Variants in CHODL observed in about 807,000 individuals in gnomAD.
CHODL encodes the protein transmembrane protein MT75.
A neutral mutation model predicts 34.5 loss-of-function variants in CHODL; 29 were observed. That is an observed-to-expected ratio of 0.84 (90% CI 0.63 to 1.15). The LOEUF (loss-of-function observed/expected upper bound fraction) is 1.15, where lower values mean the gene tolerates loss of function less well. Among genes scored for constraint, CHODL ranks in the 50% most tolerant of loss-of-function variants. CHODL has a pLI of 0.00. For missense variants in CHODL, 332 were observed against 332.5 expected, an observed-to-expected ratio of 1.00 and a Z score of 0.01; for synonymous variants, 125 against 116.1, an observed-to-expected ratio of 1.08 and a Z score of -0.49.
intron 1 of CHODL, among the ~76,000 whole-genome samples, chr21:17,986,099 A>G (rs1317076248): frequency 6.6e-6 from 1 of 152,142 alleles, no homozygotes; most frequent in Non-Finnish European, 1.5e-5. Flanking sequence ...TATTTAGATC[A>G]TAATGAGTAT....
chr21:18,200,172 G>A (rs936550011), intron 2 of CHODL, among the ~76,000 whole-genome samples: 15 of 151,774 alleles, frequency 9.9e-5, no homozygotes, highest in African/African-American at 3.6e-4. Context: ...GTGTTGATTT[G>A]GGTATTTTTA....
At chr21:18,176,549 T>C (rs1406067682) in intron 2 of CHODL, among the ~76,000 whole-genome samples, 1 of 152,224 alleles carries the variant, frequency 6.6e-6, no homozygotes, top group African/African-American at 2.4e-5. Flanking sequence ...CAAATACAAT[T>C]AATTCCTTCA....
At chr21:18,263,901 C>T (rs546408638) in intron 5 of CHODL, among the ~76,000 whole-genome samples, 4 of 141,366 alleles carry the variant, frequency 2.8e-5, no homozygotes, top group South Asian at 4.5e-4. Flanking sequence ...CATTAATAAC[C>T]TTTTTTTTTT....
chr21:17,932,681 T>C (rs2063283893), intron 1 of CHODL, among the ~76,000 whole-genome samples: 1 of 152,200 alleles, frequency 6.6e-6, no homozygotes, highest in Non-Finnish European at 1.5e-5. Flanking sequence ...TTGGAGGCCA[T>C]TATTCTAAGT....
At chr21:17,946,709 C>G (rs953245101) in intron 1 of CHODL, among the ~76,000 whole-genome samples, 3 of 152,080 alleles carry the variant, frequency 2.0e-5, no homozygotes, top group Non-Finnish European at 1.5e-5. Flanking sequence ...TTACCTGGTA[C>G]AAGTAAAGCT....
chr21:17,943,942 G>A (rs2063385526), intron 1 of CHODL, among the ~76,000 whole-genome samples: 1 of 152,158 alleles, frequency 6.6e-6, no homozygotes, highest in African/African-American at 2.4e-5. Flanking sequence ...AATGTGACCA[G>A]TGCACAAATC....
chr21:18,076,108 A>G (rs1263506066), intron 2 of CHODL, among the ~76,000 whole-genome samples: 1 of 149,738 alleles, frequency 6.7e-6, no homozygotes, highest in Non-Finnish European at 1.5e-5. Context: ...GGACTAAGAC[A>G]GAGAACTGGT....
chr21:18,113,319 G>T (rs1211167163), intron 2 of CHODL, among the ~76,000 whole-genome samples: 1 of 145,140 alleles, frequency 6.9e-6, no homozygotes, highest in African/African-American at 2.6e-5. Flanking sequence ...ATGTAAATTA[G>T]TACAACCACT....
intron 1 of CHODL, among the ~76,000 whole-genome samples, chr21:18,006,661 T>C (rs2063964286): frequency 6.6e-6 from 1 of 152,212 alleles, no homozygotes; most frequent in African/African-American, 2.4e-5. Flanking sequence ...GGTATTTTGG[T>C]TTAAAGTGAT....
At chr21:18,050,831 A>G (rs1410428969) in intron 2 of CHODL, among the ~76,000 whole-genome samples, 1 of 151,914 alleles carries the variant, frequency 6.6e-6, no homozygotes, top group Non-Finnish European at 1.5e-5. Context: ...GAAGGTTAGA[A>G]AAGAAAAACT....
At chr21:18,083,741 A>G (rs1294178300) in intron 2 of CHODL, among the ~76,000 whole-genome samples, 2 of 152,022 alleles carry the variant, frequency 1.3e-5, no homozygotes, top group East Asian at 1.9e-4. Context: ...CTTTGTTTTG[A>G]CCAGTTCCTC....
At chr21:18,108,398 C>G (rs2065301984) in intron 2 of CHODL, among the ~76,000 whole-genome samples, 1 of 152,152 alleles carries the variant, frequency 6.6e-6, no homozygotes, top group East Asian at 1.9e-4. Flanking sequence ...AAACACTAGG[C>G]TCTACTAGAG....
At chr21:18,093,821 A>G (rs2065104475) in intron 2 of CHODL, among the ~76,000 whole-genome samples, 1 of 152,296 alleles carries the variant, frequency 6.6e-6, no homozygotes, top group South Asian at 2.1e-4. Flanking sequence ...GGAAAGAAGA[A>G]AGAGACGACT....
At chr21:18,139,234 AT>A (rs1305113734) in intron 2 of CHODL, among the ~76,000 whole-genome samples, 2 of 151,876 alleles carry the variant, frequency 1.3e-5, no homozygotes, top group Non-Finnish European at 2.9e-5. Context: ...TTGTCTGGAA[AT>A]TGCAAGCGGA....
intron 2 of CHODL, among the ~76,000 whole-genome samples, chr21:18,202,057 G>T (rs1043521734): frequency 6.6e-6 from 1 of 152,034 alleles, no homozygotes; most frequent in African/African-American, 2.4e-5. Context: ...TGCCTGCCTC[G>T]GTCTCCCAAA....
intron 2 of CHODL, among the ~76,000 whole-genome samples, chr21:18,087,963 C>T (rs566186382): frequency 1.3e-5 from 2 of 152,222 alleles, no homozygotes; most frequent in South Asian, 4.2e-4. Flanking sequence ...GAGGCACGAT[C>T]TTCACATGAT....
At chr21:17,936,125 G>C (rs1479829283) in intron 1 of CHODL, among the ~76,000 whole-genome samples, 1 of 152,100 alleles carries the variant, frequency 6.6e-6, no homozygotes, top group Non-Finnish European at 1.5e-5. Flanking sequence ...AGATTTTTGT[G>C]GAACTTATTA....
At chr21:18,118,783 C>T (rs908373730) in intron 2 of CHODL, among the ~76,000 whole-genome samples, 2 of 152,282 alleles carry the variant, frequency 1.3e-5, no homozygotes, top group Middle Eastern at 3.4e-3. Context: ...TTTCATAGCT[C>T]TTCTGTCTTG....
chr21:18,015,593 A>G (rs555346744), intron 1 of CHODL, among the ~76,000 whole-genome samples: 1 of 152,290 alleles, frequency 6.6e-6, no homozygotes, highest in South Asian at 2.1e-4. Flanking sequence ...CAGAGGGTTG[A>G]ACAACTTGAG....
Sources: allele counts gnomAD v4.1 joint callset (sites outside exome capture counted in the v4.1 genomes callset), GRCh38; gene constraint gnomAD v4.1.1; transcripts MANE v1.5; gene names NCBI Gene and HGNC (gene_info 2026-07-23, HGNC 2026-07-21).